The following TMEM276 variants were observed in gnomAD, a reference collection of about 807,000 sequenced individuals.
TMEM276 encodes transmembrane protein 276.
the TMEM276 span, chr8:144,466,768 C>G: frequency 1.3e-6 from 2 of 1,531,458 alleles, no homozygotes; most frequent in Middle Eastern, 2.3e-4. Flanking sequence ...AGAGAGCCCG[C>G]AAGCCCCGGG....
the TMEM276 span, chr8:144,466,946 C>T: frequency 3.5e-5 from 56 of 1,588,222 alleles, no homozygotes; most frequent in East Asian, 9.0e-5. Flanking sequence ...CCGCCCTCCT[C>T]CCTGACCGGC....
At chr8:144,464,526 G>T in the TMEM276 span, 1 of 1,612,316 alleles carries the variant, frequency 6.2e-7, no homozygotes, top group Non-Finnish European at 8.5e-7. Flanking sequence ...CAGCAAGGCA[G>T]TCTTCGTGTG....
chr8:144,464,029 G>A, the TMEM276 span: 6 of 1,531,014 alleles, frequency 3.9e-6, no homozygotes, highest in East Asian at 2.3e-5. Context: ...ACTTCAGTAG[G>A]CAGAAGAGTC....
At chr8:144,465,536 G>C in the TMEM276 span, 1 of 627,756 alleles carries the variant, frequency 1.6e-6, no homozygotes, top group Non-Finnish European at 2.0e-6. Flanking sequence ...GCGGCTGGGG[G>C]GGGAGGGTCG....
chr8:144,464,551 G>T, the TMEM276 span: 1 of 1,611,880 alleles, frequency 6.2e-7, no homozygotes. Flanking sequence ...CAGCCCTGGG[G>T]CCAGCGTGGT....
At chr8:144,466,516 C>G in the TMEM276 span, 1 of 1,282,292 alleles carries the variant, frequency 7.8e-7, no homozygotes, top group Non-Finnish European at 9.9e-7. Context: ...GGACCCCGCC[C>G]AGGTGAGCGG....
At chr8:144,464,006 G>A in the TMEM276 span, 8 of 1,521,152 alleles carry the variant, frequency 5.3e-6, no homozygotes, top group Non-Finnish European at 7.0e-6. Flanking sequence ...ACCAGTCAAT[G>A]TGCAGCAAAC....
At chr8:144,466,485 C>G in the TMEM276 span, 2 of 1,322,264 alleles carry the variant, frequency 1.5e-6, no homozygotes, top group South Asian at 3.8e-5. Flanking sequence ...ATGGTGGCGC[C>G]GCGGCGGCCG....
the TMEM276 span, chr8:144,465,264 C>A: frequency 8.9e-7 from 1 of 1,121,156 alleles, no homozygotes. Flanking sequence ...TCGGCCTGCT[C>A]CCTGCGTTCC....
At chr8:144,466,204 CG>C in the TMEM276 span, 1 of 180,618 alleles carries the variant, frequency 5.5e-6, no homozygotes, top group Non-Finnish European at 1.1e-5. Flanking sequence ...TGGGGCGCGC[CG>C]GGCGGCGCCG....
the TMEM276 span, chr8:144,464,824 G>T: frequency 6.2e-7 from 1 of 1,612,854 alleles, no homozygotes; most frequent in Non-Finnish European, 8.5e-7. Context: ...CTGTGCTCAC[G>T]GCTGCGTGCA....
At chr8:144,466,947 C>T in the TMEM276 span, 6 of 1,588,792 alleles carry the variant, frequency 3.8e-6, no homozygotes, top group East Asian at 1.1e-4. Flanking sequence ...CGCCCTCCTC[C>T]CTGACCGGCA....
the TMEM276 span, chr8:144,465,209 T>C: frequency 8.0e-7 from 1 of 1,245,192 alleles, no homozygotes; most frequent in Non-Finnish European, 1.0e-6. Flanking sequence ...AGTGCGGGCC[T>C]GGGGAAGAGA....
chr8:144,466,484 C>T, the TMEM276 span: 2 of 1,322,972 alleles, frequency 1.5e-6, no homozygotes, highest in Non-Finnish European at 1.9e-6. Context: ...GATGGTGGCG[C>T]CGCGGCGGCC....
At chr8:144,463,999 A>G in the TMEM276 span, 2 of 1,517,838 alleles carry the variant, frequency 1.3e-6, no homozygotes, top group Middle Eastern at 2.2e-4. Flanking sequence ...GCCCCTGACC[A>G]GTCAATGTGC....
At chr8:144,464,373 G>A in the TMEM276 span, 1,094 of 1,610,346 alleles carry the variant, frequency 6.8e-4, 4 homozygotes, top group African/African-American at 0.013. Flanking sequence ...CCACAGAGCG[G>A]CCCTCAGGGC....
chr8:144,466,673 C>T, the TMEM276 span: 4 of 1,194,624 alleles, frequency 3.3e-6, no homozygotes, highest in Non-Finnish European at 4.5e-6. Context: ...TAGACTTCGG[C>T]CCCAATCCTC....
At chr8:144,464,404 G>A in the TMEM276 span, 5 of 1,611,910 alleles carry the variant, frequency 3.1e-6, no homozygotes, top group Non-Finnish European at 4.2e-6. Context: ...GCCAGCCACT[G>A]CCAGCACCAT....
At chr8:144,465,000 C>T in the TMEM276 span, 1 of 1,546,554 alleles carries the variant, frequency 6.5e-7, no homozygotes, top group Non-Finnish European at 8.7e-7. Flanking sequence ...GCCCTACGCG[C>T]GGCACTCTAG....
Sources: allele counts gnomAD v4.1 joint callset, GRCh38; gene constraint gnomAD v4.1.1; transcripts MANE v1.5; gene names NCBI Gene and HGNC (gene_info 2026-07-23, HGNC 2026-07-21).